KAZN: variants seen among roughly 807,000 people sequenced by gnomAD.
KAZN encodes kazrin, periplakin interacting protein, also known as kazrin.
A neutral mutation model predicts 87.4 loss-of-function variants in KAZN; 40 were observed. That is an observed-to-expected ratio of 0.46 (90% confidence interval 0.36 to 0.60). The LOEUF (loss-of-function observed/expected upper bound fraction) is 0.60, where lower values mean the gene tolerates loss of function less well. KAZN is among the 20% of genes least tolerant of loss of function. KAZN has a pLI of 0.00. For synonymous variants in KAZN, 466 were observed against 458.3 expected (o/e 1.02, Z -0.22); for missense variants, 898 against 1,073.9 (o/e 0.84, Z 2.29).
At chr1:14,292,265 TG>T (rs1159492277) in intron 2 of KAZN, among the ~76,000 whole-genome samples, 1 of 152,244 alleles carries the variant, frequency 6.6e-6, no homozygotes, top group African/African-American at 2.4e-5. Context: ...ACACATCTTT[TG>T]TCTTCTGATC....
At chr1:14,498,816 C>G (rs1353030976) in intron 2 of KAZN, among the ~76,000 whole-genome samples, 1 of 152,078 alleles carries the variant, frequency 6.6e-6, no homozygotes, top group Non-Finnish European at 1.5e-5. Flanking sequence ...GCCAAGGCAG[C>G]AAGCCCCTGT....
In KAZN at chr1:15,114,793, C is replaced by T; in HGVS notation, c.*158C>T. 5.8e-6 allele frequency: 4 copies of T among 686,554 alleles called. No homozygotes were observed. In the South Asian group the frequency reaches 6.4e-5, roughly 11 times the overall value. 42.5% of individuals were successfully genotyped at this position (686,554 alleles called of 1,614,324 possible). A position where few individuals can be genotyped will look rare whatever the true frequency, so the allele number is the denominator to read the frequency against. On this transcript the variant is annotated 3_prime_UTR_variant, in exon 15 of 15. Transcript: ENST00000376030. Reference sequence around the variant, plus strand: ...GATGGACTCTGCGGTTTCAGCTCCACAGCGCCCAGGAGAGAGAAGACACCA... The same window carrying T: ...GATGGACTCTGCGGTTTCAGCTCCATAGCGCCCAGGAGAGAGAAGACACCA...
chr1:13,936,198 G>A (rs1485305594), intron 1 of KAZN, among the ~76,000 whole-genome samples: 1 of 142,640 alleles, frequency 7.0e-6, no homozygotes, highest in Non-Finnish European at 1.5e-5. Flanking sequence ...CCAGGTTCAA[G>A]CGATTCTCGT....
intron 1 of KAZN, among the ~76,000 whole-genome samples, chr1:14,167,322 C>T (rs1645851710): frequency 6.6e-6 from 1 of 152,200 alleles, no homozygotes; most frequent in Non-Finnish European, 1.5e-5. Flanking sequence ...CTCCCCTCAA[C>T]ATCCCGAGCC....
chr1:14,010,088 C>G (rs1640223037), intron 1 of KAZN, among the ~76,000 whole-genome samples: 1 of 152,054 alleles, frequency 6.6e-6, no homozygotes, highest in African/African-American at 2.4e-5. Context: ...GTGCTATTAT[C>G]TAAATAATAC....
chr1:14,476,390 G>A (rs540920292), intron 2 of KAZN, among the ~76,000 whole-genome samples: 5 of 152,184 alleles, frequency 3.3e-5, no homozygotes, highest in African/African-American at 1.2e-4. Context: ...TGTTCCTTGG[G>A]CAATAATGGA....
chr1:14,422,106 G>A (rs1418488488), intron 2 of KAZN, among the ~76,000 whole-genome samples: 3 of 152,198 alleles, frequency 2.0e-5, no homozygotes, highest in Admixed American at 2.0e-4. Context: ...AAGGAGCCTG[G>A]TCAGCCAATG....
rs569592839 is a variant in KAZN at position 14,832,639 on chromosome 1, C to T, written c.227-128045C>T. Among the ~76,000 whole-genome samples the T allele has an allele frequency of 5.1e-4, 78 of 152,154 alleles. 1 individual carries two copies. Among genetic ancestry groups the T allele is most frequent in the Non-Finnish European group, 9.7e-4 (66 of 68,012 alleles). On this transcript the variant is annotated intron_variant, in intron 1 of 14. Transcript: ENST00000376030. ...AGAGAAAGAAAGAAAATCACAATGC[C>T]CTAAAAAAGTTTACAAATTCGTATC...
intron 2 of KAZN, among the ~76,000 whole-genome samples, chr1:14,444,090 G>C (rs1473120987): frequency 6.6e-6 from 1 of 152,114 alleles, no homozygotes. Flanking sequence ...TAATAGTAGA[G>C]TTTTCTTTAA....
At chr1:14,493,140 C>T (rs144112201) in intron 2 of KAZN, among the ~76,000 whole-genome samples, 3 of 150,708 alleles carry the variant, frequency 2.0e-5, no homozygotes, top group Non-Finnish European at 4.4e-5. Context: ...CCTGATCCTT[C>T]GGCCCTTTGC....
At chr1:14,731,803 C>A (rs1193700548) in intron 1 of KAZN, among the ~76,000 whole-genome samples, 2 of 152,178 alleles carry the variant, frequency 1.3e-5, no homozygotes, top group Non-Finnish European at 2.9e-5. Context: ...TAAACAAGTG[C>A]CTTAATGTTG....
chr1:14,929,150 C>G (rs762242127), intron 1 of KAZN, among the ~76,000 whole-genome samples: 2 of 152,358 alleles, frequency 1.3e-5, no homozygotes, highest in East Asian at 1.9e-4. Context: ...ATCCTTTCCC[C>G]CTGTGGGGCC....
intron 2 of KAZN, among the ~76,000 whole-genome samples, chr1:14,372,339 C>CT (rs1281172862): frequency 6.6e-6 from 1 of 152,136 alleles, no homozygotes; most frequent in Non-Finnish European, 1.5e-5. Context: ...TTTTCTTGGA[C>CT]TTTGAGTCAT....
chr1:14,552,615 A>G (rs1673609121), intron 2 of KAZN, among the ~76,000 whole-genome samples: 1 of 152,128 alleles, frequency 6.6e-6, no homozygotes. Flanking sequence ...CCCATCACAA[A>G]AGCTGGAGGA....
At chr1:13,981,091 A>ATATATATATATATACATATATATATG (rs1553181097) in intron 1 of KAZN, among the ~76,000 whole-genome samples, 12 of 107,676 alleles carry the variant, frequency 1.1e-4, no homozygotes, top group Non-Finnish European at 1.5e-4. Context: ...ATTACTCTTT[A>ATATATATATATATACATATATATATG]TATATATATA....
intron 1 of KAZN, among the ~76,000 whole-genome samples, chr1:14,732,774 A>G (rs918151879): frequency 1.3e-5 from 2 of 152,148 alleles, no homozygotes; most frequent in Admixed American, 1.3e-4. Context: ...TTAGTAAACG[A>G]AGTGGTTAGG....
intron 1 of KAZN, among the ~76,000 whole-genome samples, chr1:14,765,810 A>C (rs1476610511): frequency 6.6e-6 from 1 of 152,214 alleles, no homozygotes; most frequent in Non-Finnish European, 1.5e-5. Context: ...TTGGTGGAAC[A>C]CAGGAGTGGC....
chr1:14,093,133 A>T (rs935672543), intron 1 of KAZN, among the ~76,000 whole-genome samples: 4 of 152,114 alleles, frequency 2.6e-5, no homozygotes, highest in African/African-American at 9.7e-5. Context: ...CCACCTCTGC[A>T]TCCTCTCCCT....
intron 1 of KAZN, among the ~76,000 whole-genome samples, chr1:14,836,370 G>T (rs1189717685): frequency 6.6e-6 from 1 of 152,162 alleles, no homozygotes; most frequent in Non-Finnish European, 1.5e-5. Context: ...GAGTGGGTGG[G>T]ACGAGCTCCA....
Sources: gnomAD v4.1 joint callset for allele counts (sites outside exome capture counted in the v4.1 genomes callset) on GRCh38, gnomAD v4.1.1 for gene constraint, MANE v1.5 for transcripts, NCBI Gene and HGNC (gene_info 2026-07-23, HGNC 2026-07-21) for gene names.